CHD7: variants seen among roughly 807,000 people sequenced by gnomAD.
CHD7 encodes ATP-dependent chromatin remodeler CHD7.
CHD7 carries 24 observed loss-of-function variants against 307.3 expected under a neutral mutation model. The observed-to-expected ratio is 0.08, with a 90% CI of 0.06 to 0.11. The LOEUF (loss-of-function observed/expected upper bound fraction) is 0.11, where lower values mean the gene tolerates loss of function less well. Ranked by LOEUF, CHD7 falls within the 10% of genes least tolerant of loss-of-function variation. The pLI is 1.00. For missense variants in CHD7, 3,106 were observed against 3,727.1 expected (o/e 0.83, Z 4.34); for synonymous variants, 1,363 against 1,349.9 (o/e 1.01, Z -0.21).
intron 1 of CHD7, among the ~76,000 whole-genome samples, chr8:60,689,630 C>CA (rs1563517101): frequency 6.6e-6 from 1 of 152,228 alleles, no homozygotes; most frequent in African/African-American, 2.4e-5. Context: ...CATGATCTTA[C>CA]ACACCTGCAC....
chr8:60,826,760 G>A (rs761939596), intron 13 of CHD7, among the ~76,000 whole-genome samples: 3 of 152,198 alleles, frequency 2.0e-5, no homozygotes, highest in Admixed American at 6.5e-5. Flanking sequence ...CCCCATCCAC[G>A]AGGAGGGGAT....
At chr8:60,819,857 T>C (rs1225201248) in intron 8 of CHD7, 150 bp from the exon 9 acceptor site, 9 of 591,028 alleles carry the variant, frequency 1.5e-5, no homozygotes, top group African/African-American at 1.5e-4. Flanking sequence ...TTTTGCTAAA[T>C]TGTAGCATTT....
At chr8:60,796,889 A>ACT (rs1812061470) in intron 4 of CHD7, among the ~76,000 whole-genome samples, 1 of 152,224 alleles carries the variant, frequency 6.6e-6, no homozygotes, top group African/African-American at 2.4e-5. Context: ...TGATTGATTT[A>ACT]CTAAGGTACA....
At chr8:60,730,463 A>G (rs1359596846) in intron 1 of CHD7, among the ~76,000 whole-genome samples, 1 of 152,222 alleles carries the variant, frequency 6.6e-6, no homozygotes, top group East Asian at 1.9e-4. Context: ...TTAATGATAA[A>G]TGTAGGTACA....
intron 1 of CHD7, among the ~76,000 whole-genome samples, chr8:60,724,417 A>G (rs1301869663): frequency 1.3e-5 from 2 of 152,248 alleles, no homozygotes; most frequent in Non-Finnish European, 2.9e-5. Flanking sequence ...CAGGGAGAAC[A>G]ACTGACATTT....
chr8:60,794,581 T>C (rs1178910050), intron 3 of CHD7, among the ~76,000 whole-genome samples: 2 of 152,206 alleles, frequency 1.3e-5, no homozygotes, highest in Admixed American at 6.5e-5. Flanking sequence ...TACTTAAGTA[T>C]GTAAAACTAT....
intron 1 of CHD7, chr8:60,679,585 A>AGCGGGCGATGGGCGC (rs1174280895): frequency 1.4e-5 from 2 of 146,740 alleles, no homozygotes; most frequent in Non-Finnish European, 3.0e-5. Context: ...CTCAAGTGCG[A>AGCGGGCGATGGGCGC]GCGGGCGATG....
intron 2 of CHD7, among the ~76,000 whole-genome samples, chr8:60,765,236 CGCAT>C (rs1810412222): frequency 6.6e-6 from 1 of 150,882 alleles, no homozygotes; most frequent in Admixed American, 6.6e-5. Context: ...CACACGCACA[CGCAT>C]GCATGCACAC....
At chr8:60,824,350 C>T (rs977453074) in intron 13 of CHD7, 2 of 366,026 alleles carry the variant, frequency 5.5e-6, no homozygotes, top group East Asian at 4.0e-5. Flanking sequence ...TTTTGAGTAC[C>T]CACATAATGC....
intron 1 of CHD7, among the ~76,000 whole-genome samples, chr8:60,697,466 C>T (rs1806538658): frequency 6.6e-6 from 1 of 152,084 alleles, no homozygotes; most frequent in Admixed American, 6.6e-5. Context: ...AAAGGAAAAA[C>T]AGAGACAAAT....
intron 17 of CHD7, 37 bp from the exon 18 acceptor site, chr8:60,837,631 T>C: frequency 6.8e-7 from 1 of 1,481,300 alleles, no homozygotes; most frequent in South Asian, 1.3e-5. Flanking sequence ...AAACATTAGG[T>C]TCATTGCAGT....
chr8:60,693,708 TG>T (rs1806316212), intron 1 of CHD7, among the ~76,000 whole-genome samples: 1 of 152,240 alleles, frequency 6.6e-6, no homozygotes, highest in Admixed American at 6.5e-5. Context: ...CATTTTCCCA[TG>T]GTAGCTTTAT....
At position 60,845,263 on chromosome 8, in the gene CHD7, T is replaced by C; in HGVS notation, c.5064T>C (p.Pro1688=). The C allele has an allele frequency of 5.6e-6, 9 of 1,611,452 alleles. No individual in the cohort carries two copies. Among genetic ancestry groups the C allele is most frequent in the Non-Finnish European group, 7.6e-6 (9 of 1,177,978 alleles). The change falls in exon 23 of 38, where the codon CCT becomes CCC. Residue 1688 remains proline (P), a synonymous_variant. Coordinates refer to ENST00000423902, the MANE Select transcript of CHD7 (RefSeq NM_017780.4). ...TGGTGATTCTAGGTTTGTCAGCTCC[T>C]GTGCCAAGGGGAAGGAAGGGAAAGA... is the stretch of plus-strand genomic sequence containing the variant. ...ALVNHSGLSA[P]VPRGRKGKKV... is the part of the protein sequence containing the mutation.
Position 60,830,797 on chromosome 8 carries a change from T to G in CHD7, c.3778+220T>G, listed in dbSNP as rs556993681. Among the ~76,000 whole-genome samples, 5 of 152,300 alleles carry G rather than the reference T, an allele frequency of 3.3e-5. No individual in the cohort carries two copies. In the South Asian group the frequency reaches 1.0e-3, roughly 32 times the overall value. ...CAATCCCTGAAGTGGAATCTCACCT[T>G]GCCTTTCTCCTGACCTCCCTGTGCT... On this transcript the variant is annotated intron_variant, in intron 15 of 37. Coordinates refer to ENST00000423902, the MANE Select transcript of CHD7 (RefSeq NM_017780.4).
At chr8:60,812,719 A>AG (rs1812871210) in intron 7 of CHD7, among the ~76,000 whole-genome samples, 1 of 148,562 alleles carries the variant, frequency 6.7e-6, no homozygotes, top group Non-Finnish European at 1.5e-5. Context: ...TCCAAACTTT[A>AG]TTTTGTCCTA....
rs748203271 is a variant in CHD7, at chr8:60,852,982, A to T, written c.6257A>T (p.Asp2086Val). ...CTTAAGCTCTGCCAGCCAAGCTTGG[A>T]TCTGCCAGAGTGGTGGGAGTGTGGA... ...ERLKLCQPSL[D>V]LPEWWECGRH... Residue 2086 changes from aspartate (D) to valine (V), a missense_variant, in exon 31 of 38, where the codon GAT (aspartate) becomes GTT (valine). Coordinates refer to ENST00000423902, the MANE Select transcript of CHD7 (RefSeq NM_017780.4). 1 of 1,613,986 alleles carries T rather than the reference A, an allele frequency of 6.2e-7. No homozygotes were observed.
Position 60,810,390 on chromosome 8 carries a change from T to TGTGTGG in CHD7, c.2498+2123_2498+2124insGGTGTG, listed in dbSNP as rs1489655856. 1.2e-4 allele frequency among the ~76,000 whole-genome samples: 18 copies of TGTGTGG among 151,924 alleles called. No individual in the cohort carries two copies. The East Asian group carries it at 3.5e-3, about 29-fold the overall frequency. On this transcript the variant is annotated intron_variant, in intron 7 of 37. Coordinates refer to ENST00000423902, the MANE Select transcript of CHD7 (RefSeq NM_017780.4). ...CTGGGAGAGAGAGAGAGTGTGTGTGTGTGTGTGTGTGTGTGTGTGTATCGA... is the reference window on the plus strand; with the variant it reads ...CTGGGAGAGAGAGAGAGTGTGTGTGTGTGTGGGTGTGTGTGTGTGTGTGTGTATCGA...
At chr8:60,699,955 C>T (rs968640669) in intron 1 of CHD7, among the ~76,000 whole-genome samples, 5 of 151,900 alleles carry the variant, frequency 3.3e-5, no homozygotes, top group African/African-American at 7.3e-5. Context: ...CTCAGCCTCC[C>T]GAGTAGCTGG....
intron 4 of CHD7, among the ~76,000 whole-genome samples, chr8:60,796,811 G>A (rs1812059318): frequency 6.6e-6 from 1 of 152,108 alleles, no homozygotes; most frequent in Non-Finnish European, 1.5e-5. Context: ...GATGCTGACT[G>A]GTTGTTTATT....
Sources: gnomAD v4.1 joint callset for allele counts (sites outside exome capture counted in the v4.1 genomes callset) on GRCh38, gnomAD v4.1.1 for gene constraint, MANE v1.5 for transcripts, NCBI Gene and HGNC (gene_info 2026-07-23, HGNC 2026-07-21) for gene names.